Variants in FAM227B observed in about 807,000 individuals in gnomAD.
FAM227B encodes family with sequence similarity 227 member B.
A neutral mutation model predicts 73.8 loss-of-function variants in FAM227B; 88 were observed. The observed-to-expected ratio is 1.19, with a 90% CI of 1.00 to 1.42. The LOEUF (loss-of-function observed/expected upper bound fraction) is 1.42, where lower values mean the gene tolerates loss of function less well. FAM227B is among the 40% of genes most tolerant of loss of function. The pLI is 0.00. For missense variants in FAM227B, 632 were observed against 590.9 expected, an observed-to-expected ratio of 1.07 and a Z score of -0.72; for synonymous variants, 210 against 190.5, an observed-to-expected ratio of 1.10 and a Z score of -0.84.
intron 14 of FAM227B, chr15:49,334,151 G>C (rs2039295849): frequency 3.3e-6 from 2 of 598,558 alleles, no homozygotes; most frequent in South Asian, 7.4e-5. Flanking sequence ...GCAGTTTTGT[G>C]GTTTTATGTA....
At chr15:49,424,457 A>G in intron 11 of FAM227B, 1 of 1,613,668 alleles carries the variant, frequency 6.2e-7, no homozygotes, top group Non-Finnish European at 8.5e-7. Flanking sequence ...GCGACACACA[A>G]GAAGTTATGA....
intron 11 of FAM227B, among the ~76,000 whole-genome samples, chr15:49,463,327 G>C (rs990620600): frequency 2.0e-5 from 3 of 152,174 alleles, no homozygotes; most frequent in Non-Finnish European, 2.9e-5. Context: ...GCTGAGGTGG[G>C]TGGATCACCT....
intron 9 of FAM227B, among the ~76,000 whole-genome samples, chr15:49,555,384 C>G (rs2073547328): frequency 6.6e-6 from 1 of 152,158 alleles, no homozygotes; most frequent in African/African-American, 2.4e-5. Flanking sequence ...GGCTGCCAGT[C>G]TCTTCTGGGT....
At chr15:49,436,845 T>A (rs899400336) in intron 11 of FAM227B, among the ~76,000 whole-genome samples, 1 of 151,618 alleles carries the variant, frequency 6.6e-6, no homozygotes, top group African/African-American at 2.4e-5. Flanking sequence ...AGCAGTGGGA[T>A]AATTTGCATC....
intron 9 of FAM227B, among the ~76,000 whole-genome samples, chr15:49,554,229 C>A (rs74014341): frequency 0.019 from 2,937 of 152,182 alleles, 121 homozygotes; most frequent in African/African-American, 0.068. Flanking sequence ...AGGAAGGGGT[C>A]TCTTTCAGAG....
intron 5 of FAM227B, among the ~76,000 whole-genome samples, chr15:49,586,658 T>C (rs1367406259): frequency 1.3e-5 from 2 of 151,846 alleles, no homozygotes; most frequent in Non-Finnish European, 2.9e-5. Flanking sequence ...AGGTCTAATA[T>C]CCAACTCACA....
intron 11 of FAM227B, chr15:49,422,486 C>G: frequency 8.0e-7 from 1 of 1,252,640 alleles, no homozygotes; most frequent in East Asian, 2.9e-5. Flanking sequence ...ACCATTTCCT[C>G]CTTTTTAAAG....
intron 15 of FAM227B, chr15:49,330,322 G>C (rs1050002819): frequency 6.6e-6 from 1 of 152,184 alleles, no homozygotes; most frequent in African/African-American, 2.4e-5. Context: ...TAGATCAGGG[G>C]TTATAGCCCA....
At chr15:49,577,499 A>G (rs2075530817) in intron 6 of FAM227B, 130 bp downstream of exon 6, 1 of 559,540 alleles carries the variant, frequency 1.8e-6, no homozygotes, top group South Asian at 3.0e-5. Flanking sequence ...AAGCTTCTAT[A>G]CCTGTTTCCA....
At chr15:49,382,975 G>A (rs1364919340) in intron 11 of FAM227B, among the ~76,000 whole-genome samples, 1 of 152,090 alleles carries the variant, frequency 6.6e-6, no homozygotes, top group African/African-American at 2.4e-5. Flanking sequence ...TGGTAGAAAT[G>A]TAAATCGGTT....
Position 49,549,322 on chromosome 15 carries a change from T to TTTTATTTATTTATTTATTTATTTATTTA in FAM227B, c.748-7517_748-7516insTAAATAAATAAATAAATAAATAAATAAA, listed in dbSNP as rs71120694. On this transcript the variant is annotated intron_variant, in intron 9 of 15. Transcript: ENST00000299338. ...CTTCTCTTATTGATTTGCATATGTA[T>TTTTATTTATTTATTTATTTATTTATTTA]TTTATTTATTTATTTATTTTTATTG... 4.5e-3 allele frequency among the ~76,000 whole-genome samples: 670 copies of TTTTATTTATTTATTTATTTATTTATTTA among 147,706 alleles called. 12 individuals are homozygous for TTTTATTTATTTATTTATTTATTTATTTA. Among genetic ancestry groups the TTTTATTTATTTATTTATTTATTTATTTA allele is most frequent in the African/African-American group, 0.016 (639 of 39,722 alleles).
At chr15:49,578,688 T>A (rs534891762) in intron 5 of FAM227B, among the ~76,000 whole-genome samples, 3 of 152,264 alleles carry the variant, frequency 2.0e-5, no homozygotes, top group African/African-American at 7.2e-5. Context: ...TCTCACTTTT[T>A]AAAGTGTACA....
intron 11 of FAM227B, among the ~76,000 whole-genome samples, chr15:49,394,798 C>T (rs1226719645): frequency 6.6e-6 from 1 of 152,114 alleles, no homozygotes; most frequent in Admixed American, 6.5e-5. Flanking sequence ...CTATATATTG[C>T]TGAGATTTCA....
At chr15:49,618,749 A>G (rs904417358) in intron 1 of FAM227B, among the ~76,000 whole-genome samples, 3 of 152,238 alleles carry the variant, frequency 2.0e-5, no homozygotes, top group Non-Finnish European at 2.9e-5. Flanking sequence ...TGGAAAATCA[A>G]GAAACTGCAA....
chr15:49,563,414 G>A (rs1159913717), intron 9 of FAM227B, among the ~76,000 whole-genome samples: 2 of 152,028 alleles, frequency 1.3e-5, no homozygotes, highest in Non-Finnish European at 2.9e-5. Context: ...TGGCCATACT[G>A]CCCAAAGCAA....
Position 49,588,056 on chromosome 15 carries a change from C to A in FAM227B, c.365G>T (p.Gly122Val). ...CTTATGGTACTTCTTTAGAAATTCC[C>A]CATATCGTTCCAATTTTCTATAAGA... is the stretch of plus-strand genomic sequence containing the variant. The part of the protein sequence containing the change: ...TSSYRKLERY[G>V]EFLKKYHKKK... Residue 122 changes from glycine (G) to valine (V), a missense_variant, in exon 5 of 16, where the codon GGG (glycine) becomes GTG (valine). By Grantham distance (109) the Gly-to-Val change is moderately radical (BLOSUM62 -3). Coordinates refer to ENST00000299338, the MANE Select transcript of FAM227B (RefSeq NM_152647.3). The A allele has an allele frequency of 7.0e-7, 1 of 1,422,136 alleles. No homozygotes were observed. Among genetic ancestry groups the A allele is most frequent in the Non-Finnish European group, 9.4e-7 (1 of 1,061,406 alleles). 88.1% of individuals were successfully genotyped at this position (1,422,136 alleles called of 1,614,324 possible). A position where few individuals can be genotyped will look rare whatever the true frequency, so the allele number is the denominator to read the frequency against.
At chr15:49,550,530 C>T (rs958330511) in intron 9 of FAM227B, among the ~76,000 whole-genome samples, 20 of 149,544 alleles carry the variant, frequency 1.3e-4, no homozygotes, top group Non-Finnish European at 1.8e-4. Context: ...CTCAGATGGG[C>T]GGCTGCCAGG....
At chr15:49,471,205 G>A (rs2054710651) in intron 11 of FAM227B, among the ~76,000 whole-genome samples, 1 of 152,066 alleles carries the variant, frequency 6.6e-6, no homozygotes, top group African/African-American at 2.4e-5. Flanking sequence ...CAAATGTGAG[G>A]CCGGATACAG....
intron 11 of FAM227B, chr15:49,396,132 G>C (rs572736364): frequency 2.6e-6 from 1 of 384,700 alleles, no homozygotes; most frequent in Admixed American, 3.1e-5. Flanking sequence ...CAGGTCAGTG[G>C]GTGTGCTCAC....
Sources: allele counts gnomAD v4.1 joint callset (sites outside exome capture counted in the v4.1 genomes callset), GRCh38; gene constraint gnomAD v4.1.1; transcripts MANE v1.5; gene names NCBI Gene and HGNC (gene_info 2026-07-23, HGNC 2026-07-21).